DARS1: variants seen among roughly 807,000 people sequenced by gnomAD.
DARS1 encodes the protein aspartate--tRNA ligase, cytoplasmic.
A neutral mutation model predicts 68.8 loss-of-function variants in DARS1; 51 were observed. The ratio of observed to expected loss-of-function variants is 0.74; its 90% CI spans 0.59 to 0.94. The LOEUF (loss-of-function observed/expected upper bound fraction) is 0.94. DARS1 is among the 40% of genes least tolerant of loss of function. DARS1 has a pLI of 0.00. For synonymous variants in DARS1, 203 were observed against 190.4 expected, an observed-to-expected ratio of 1.07 and a Z score of -0.55; for missense variants, 607 against 597.3, an observed-to-expected ratio of 1.02 and a Z score of -0.17.
intron 4 of DARS1, among the ~76,000 whole-genome samples, chr2:135,944,146 C>T (rs1681667081): frequency 1.3e-5 from 2 of 151,982 alleles, no homozygotes; most frequent in Non-Finnish European, 2.9e-5. Context: ...CACTGAAATT[C>T]TAAAATACAA....
At chr2:135,921,965 A>C (rs910072935) in intron 9 of DARS1, among the ~76,000 whole-genome samples, 1 of 152,216 alleles carries the variant, frequency 6.6e-6, no homozygotes, top group African/African-American at 2.4e-5. Flanking sequence ...GCAAGTATTT[A>C]ATTTTTATTA....
Position 135,924,473 on chromosome 2 carries a change from CG to C in DARS1, c.589del (p.Arg197ValfsTer14), listed in dbSNP as rs1681173212. On this transcript the variant is annotated frameshift_variant, in exon 8 of 16. Transcript: ENST00000264161. LOFTEE classifies it high-confidence loss of function. ...GAGATGGCAGATGCCAGACTGGAGA[CG>C]GAAGACTGCCTGACTAGTTGATGTC... ...LRTSTSQAVFRLQSGICHLFR... is the reference protein window; with the variant it reads ...LRTSTSQAVFXLQSGICHLFR... 6.2e-7 allele frequency: 1 copy of C among 1,606,890 alleles called. No individual in the cohort carries two copies. The highest frequency in any genetic ancestry group is 1.3e-5 in the African/African-American group (1 of 74,338).
intron 7 of DARS1, among the ~76,000 whole-genome samples, chr2:135,928,077 T>C (rs568350431): frequency 4.6e-5 from 7 of 152,334 alleles, no homozygotes; most frequent in Admixed American, 2.6e-4. Flanking sequence ...CCAAACTTTA[T>C]ACAGCAATCT....
At chr2:135,947,582 C>T (rs1413984410) in intron 4 of DARS1, among the ~76,000 whole-genome samples, 6 of 151,978 alleles carry the variant, frequency 3.9e-5, no homozygotes, top group African/African-American at 7.2e-5. Flanking sequence ...AAGGCCTACA[C>T]GGTAGGTATT....
At chr2:135,934,817 C>T (rs1350733954) in intron 5 of DARS1, among the ~76,000 whole-genome samples, 4 of 138,308 alleles carry the variant, frequency 2.9e-5, no homozygotes, top group Admixed American at 7.4e-5. Flanking sequence ...TTTTTTGAGA[C>T]GGAGTCCCAC....
In DARS1 at chr2:135,922,942, A is replaced by T. The variant is rs754289055; in HGVS notation, c.677-24T>A. On this transcript the variant is annotated intron_variant, in intron 8 of 15. Coordinates refer to ENST00000264161, the MANE Select transcript of DARS1 (RefSeq NM_001349.4). ...AGCTGAAAGGTAAACATTTATATTT[A>T]TATTATTATAATCAATTGTAAACTT... 66 of 1,487,532 alleles carry T rather than the reference A, an allele frequency of 4.4e-5. 1 individual carries two copies. Among genetic ancestry groups the T allele is most frequent in the Non-Finnish European group, 5.6e-5 (63 of 1,124,022 alleles). The allele number at this position is 1,487,532 out of a possible 1,614,324, so 92.1% of individuals were successfully genotyped here. A position where few individuals can be genotyped will look rare whatever the true frequency, so the allele number is the denominator to read the frequency against.
intron 1 of DARS1, among the ~76,000 whole-genome samples, chr2:135,983,830 C>T (rs552473615): frequency 6.6e-6 from 1 of 152,180 alleles, no homozygotes; most frequent in Non-Finnish European, 1.5e-5. Flanking sequence ...GGATGAAGTA[C>T]CACAGTTTTA....
Position 135,916,356 on chromosome 2 carries a change from G to GA in DARS1, c.975dup (p.Gln326SerfsTer5). On this transcript the variant is annotated frameshift_variant, in exon 11 of 16. Coordinates refer to ENST00000264161, the MANE Select transcript of DARS1 (RefSeq NM_001349.4). LOFTEE classifies it high-confidence loss of function. ...CATGGGAACTGTTTATTCACTGTTT[G>GA]AATTTCAGTCTGAAACCTATTTGCA... 1 of 1,524,288 alleles carries GA rather than the reference G, an allele frequency of 6.6e-7. No individual in the cohort carries two copies. The allele number at this position is 1,524,288 out of a possible 1,614,324, so 94.4% of individuals were successfully genotyped here.
intron 7 of DARS1, among the ~76,000 whole-genome samples, chr2:135,925,070 C>T (rs1352262947): frequency 1.3e-5 from 2 of 151,948 alleles, no homozygotes. Flanking sequence ...ACAATAGTAG[C>T]GCTCCAACTG....
chr2:135,934,067 T>A (rs1171262311), intron 5 of DARS1, 77 bp from the exon 6 acceptor site: 2 of 1,554,906 alleles, frequency 1.3e-6, no homozygotes, highest in African/African-American at 2.7e-5. Flanking sequence ...AATCTACAGT[T>A]GACTTAAGCA....
chr2:135,933,649 A>T (rs1479521050), intron 6 of DARS1, among the ~76,000 whole-genome samples: 4 of 152,160 alleles, frequency 2.6e-5, no homozygotes, highest in Non-Finnish European at 4.4e-5. Context: ...ATAAATATTT[A>T]AAAATGTTTT....
chr2:135,983,177 C>G (rs1286735159), intron 2 of DARS1, among the ~76,000 whole-genome samples: 1 of 152,138 alleles, frequency 6.6e-6, no homozygotes, highest in Non-Finnish European at 1.5e-5. Context: ...TACCATTTAA[C>G]CTACAATACC....
chr2:135,977,657 T>C (rs1167170530), intron 3 of DARS1, among the ~76,000 whole-genome samples: 1 of 152,102 alleles, frequency 6.6e-6, no homozygotes, highest in Non-Finnish European at 1.5e-5. Context: ...TCAACATTAT[T>C]TGAAAATTTA....
At chr2:135,960,432 A>G (rs1024846461) in intron 4 of DARS1, among the ~76,000 whole-genome samples, 12 of 152,218 alleles carry the variant, frequency 7.9e-5, no homozygotes, top group African/African-American at 2.2e-4. Context: ...ATATTGAATT[A>G]GATAATTTTT....
At position 135,932,772 on chromosome 2, in the gene DARS1, A is replaced by G. The variant is rs773497706; in HGVS notation, c.564+11T>C. On this transcript the variant is annotated intron_variant, in intron 7 of 15. Coordinates refer to ENST00000264161, the MANE Select transcript of DARS1 (RefSeq NM_001349.4). ...CATAATTGCTTCACTTAATAAATAA[A>G]TGAGGCATACCCTAAGATCAATGAC... 2.6e-6 allele frequency: 3 copies of G among 1,161,242 alleles called. No individual in the cohort carries two copies. Among genetic ancestry groups the G allele is most frequent in the Non-Finnish European group, 1.3e-6 (1 of 774,870 alleles). The allele number at this position is 1,161,242 out of a possible 1,614,324, so 71.9% of individuals were successfully genotyped here.
chr2:135,954,325 C>CAAAAAAAAAAAAAAAAAAAAAA (rs1172207033), intron 4 of DARS1, among the ~76,000 whole-genome samples: 1 of 81,478 alleles, frequency 1.2e-5, no homozygotes, highest in African/African-American at 4.7e-5. Context: ...AAAACAAAAC[C>CAAAAAAAAAAAAAAAAAAAAAA]AAAAAAAAAA....
chr2:135,940,277 C>T (rs1681566823), intron 5 of DARS1, among the ~76,000 whole-genome samples: 1 of 152,134 alleles, frequency 6.6e-6, no homozygotes, highest in Non-Finnish European at 1.5e-5. Flanking sequence ...ACTGGCAAAA[C>T]AAATCCAGCA....
In DARS1 at chr2:135,911,206, C is replaced by CAA; in HGVS notation, c.1345_1346dup (p.Leu449PhefsTer88). On this transcript the variant is annotated frameshift_variant, in exon 15 of 16. Transcript: ENST00000264161. LOFTEE classifies it high-confidence loss of function. The stretch of plus-strand genomic sequence containing the variant: ...AATCAATGTAAGCCTTAATTTTCTC[C>CAA]AAATCTGCAAAAAGACACAAAACAA... 1 of 1,509,160 alleles carries CAA rather than the reference C, an allele frequency of 6.6e-7. No homozygotes were observed. The highest frequency in any genetic ancestry group is 9.2e-7 in the Non-Finnish European group (1 of 1,086,088). 93.5% of individuals were successfully genotyped at this position (1,509,160 alleles called of 1,614,324 possible).
intron 5 of DARS1, among the ~76,000 whole-genome samples, chr2:135,938,567 C>A (rs1028581445): frequency 6.6e-6 from 1 of 152,136 alleles, no homozygotes; most frequent in Non-Finnish European, 1.5e-5. Context: ...GGATAAGAGG[C>A]ACTCTGATTT....
Sources: gnomAD v4.1 joint callset for allele counts (sites outside exome capture counted in the v4.1 genomes callset) on GRCh38, gnomAD v4.1.1 for gene constraint, MANE v1.5 for transcripts, NCBI Gene and HGNC (gene_info 2026-07-23, HGNC 2026-07-21) for gene names.